The following ATRNL1 variants were observed in gnomAD, a reference collection of about 807,000 sequenced individuals.
The protein encoded by ATRNL1 is attractin-like protein 1.
A neutral mutation model predicts 182.7 loss-of-function variants in ATRNL1; 95 were observed. The observed-to-expected ratio is 0.52, with a 90% CI of 0.44 to 0.62. The LOEUF (loss-of-function observed/expected upper bound fraction) is 0.62. Ranked by LOEUF, ATRNL1 falls within the 20% of genes least tolerant of loss-of-function variation. The pLI, the probability that ATRNL1 is intolerant of heterozygous loss-of-function variation, is 0.00. For missense variants in ATRNL1, 1,471 were observed against 1,679.5 expected (o/e 0.88, Z 2.17); for synonymous variants, 576 against 568.3 (o/e 1.01, Z -0.19).
chr10:115,134,445 G>C (rs1204587631), intron 5 of ATRNL1, among the ~76,000 whole-genome samples: 2 of 152,068 alleles, frequency 1.3e-5, no homozygotes, highest in African/African-American at 2.4e-5. Flanking sequence ...AGAAGAAATG[G>C]ATAATTTCTC....
At chr10:115,148,895 G>A (rs1437733965) in intron 5 of ATRNL1, among the ~76,000 whole-genome samples, 1 of 151,962 alleles carries the variant, frequency 6.6e-6, no homozygotes, top group Admixed American at 6.6e-5. Context: ...GACTACAGGT[G>A]TGCGCCACCA....
intron 24 of ATRNL1, among the ~76,000 whole-genome samples, chr10:115,509,307 A>G (rs7899493): frequency 0.67 from 101,746 of 151,870 alleles, 34,697 homozygotes; most frequent in Non-Finnish European, 0.73. Context: ...CATGCCTGCT[A>G]ACACAATAAC....
At chr10:115,856,051 T>C (rs919608730) in intron 28 of ATRNL1, among the ~76,000 whole-genome samples, 4 of 152,246 alleles carry the variant, frequency 2.6e-5, no homozygotes, top group Admixed American at 1.3e-4. Context: ...AATGTCCACA[T>C]ATTAGTTATA....
intron 27 of ATRNL1, among the ~76,000 whole-genome samples, chr10:115,764,275 C>T (rs112613357): frequency 6.6e-6 from 1 of 152,160 alleles, no homozygotes; most frequent in African/African-American, 2.4e-5. Flanking sequence ...CAGAGTGACA[C>T]AGTTGTTACA....
intron 15 of ATRNL1, among the ~76,000 whole-genome samples, chr10:115,287,336 G>A (rs554983821): frequency 6.6e-6 from 1 of 151,952 alleles, no homozygotes; most frequent in African/African-American, 2.4e-5. Flanking sequence ...TTATTTTTGA[G>A]AGTTAACTTT....
chr10:115,302,661 C>T (rs1340146700), intron 17 of ATRNL1, among the ~76,000 whole-genome samples: 2 of 152,102 alleles, frequency 1.3e-5, no homozygotes, highest in East Asian at 3.8e-4. Flanking sequence ...CCTTGCTGAT[C>T]TCTCATGTTT....
At chr10:115,285,602 C>T (rs782309326) in intron 14 of ATRNL1, among the ~76,000 whole-genome samples, 1 of 151,990 alleles carries the variant, frequency 6.6e-6, no homozygotes, top group Non-Finnish European at 1.5e-5. Flanking sequence ...ACCATTATTA[C>T]TGAACAGTAT....
At chr10:115,797,532 A>G (rs1054850231) in intron 27 of ATRNL1, among the ~76,000 whole-genome samples, 2 of 152,114 alleles carry the variant, frequency 1.3e-5, no homozygotes, top group African/African-American at 4.8e-5. Flanking sequence ...CACTGGGGAT[A>G]TTAGAATGAA....
At chr10:115,940,526 A>G (rs1953694988) in intron 28 of ATRNL1, among the ~76,000 whole-genome samples, 1 of 152,194 alleles carries the variant, frequency 6.6e-6, no homozygotes, top group Non-Finnish European at 1.5e-5. Context: ...TCAGTATCTT[A>G]CCAGAATATA....
chr10:115,653,791 A>G (rs782495987), intron 26 of ATRNL1, among the ~76,000 whole-genome samples: 15 of 152,150 alleles, frequency 9.9e-5, no homozygotes, highest in Non-Finnish European at 2.1e-4. Context: ...TTTTATCTCC[A>G]AAACAATCCT....
intron 28 of ATRNL1, among the ~76,000 whole-genome samples, chr10:115,859,244 G>A (rs1433245635): frequency 1.3e-5 from 2 of 151,942 alleles, no homozygotes; most frequent in African/African-American, 4.8e-5. Flanking sequence ...GGCCATAGCA[G>A]GCTTCTTCTG....
chr10:115,272,951 T>C (rs74970554), intron 13 of ATRNL1, among the ~76,000 whole-genome samples: 1,783 of 152,304 alleles, frequency 0.012, 34 homozygotes, highest in African/African-American at 0.039. Context: ...ATGGCAGTTA[T>C]GGCAGAAGCA....
At chr10:115,532,770 G>C (rs1333417587) in intron 25 of ATRNL1, among the ~76,000 whole-genome samples, 1 of 151,648 alleles carries the variant, frequency 6.6e-6, no homozygotes, top group Non-Finnish European at 1.5e-5. Context: ...GTTTGTCATA[G>C]ATAGCTCTTA....
At chr10:115,906,114 C>T (rs74325385) in intron 28 of ATRNL1, among the ~76,000 whole-genome samples, 3 of 152,324 alleles carry the variant, frequency 2.0e-5, no homozygotes, top group Non-Finnish European at 2.9e-5. Context: ...ACTATACCCA[C>T]ATTATTCTCA....
At chr10:115,616,528 C>T (rs183453655) in intron 26 of ATRNL1, among the ~76,000 whole-genome samples, 2 of 152,280 alleles carry the variant, frequency 1.3e-5, no homozygotes, top group East Asian at 1.9e-4. Flanking sequence ...GGAAAAATTC[C>T]TCAAAGGCAT....
intron 1 of ATRNL1, among the ~76,000 whole-genome samples, chr10:115,111,380 A>G (rs1231218236): frequency 1.3e-5 from 2 of 152,214 alleles, no homozygotes; most frequent in Non-Finnish European, 2.9e-5. Flanking sequence ...GACGCTGGAT[A>G]ATGTGTAAGG....
At chr10:115,450,287 T>C (rs782594167) in intron 21 of ATRNL1, among the ~76,000 whole-genome samples, 9 of 152,074 alleles carry the variant, frequency 5.9e-5, no homozygotes. Flanking sequence ...GCCAGAGCAA[T>C]CAGGCAAGAG....
At chr10:115,659,937 G>T (rs1296588510) in intron 26 of ATRNL1, among the ~76,000 whole-genome samples, 4 of 152,148 alleles carry the variant, frequency 2.6e-5, no homozygotes, top group Non-Finnish European at 5.9e-5. Context: ...GAGAATATGG[G>T]TCAGATTATA....
chr10:115,327,829 G>A (rs1239395102), intron 18 of ATRNL1, among the ~76,000 whole-genome samples: 43 of 151,826 alleles, frequency 2.8e-4, no homozygotes, highest in African/African-American at 6.5e-4. Flanking sequence ...GTAAACTATC[G>A]CAAGAATAAA....
Sources: gnomAD v4.1 joint callset for allele counts (sites outside exome capture counted in the v4.1 genomes callset) on GRCh38, gnomAD v4.1.1 for gene constraint, MANE v1.5 for transcripts, NCBI Gene and HGNC (gene_info 2026-07-23, HGNC 2026-07-21) for gene names.